WSB2: variants seen among roughly 807,000 people sequenced by gnomAD.
WSB2 encodes WD repeat and SOCS box containing 2, also known as WD repeat and SOCS box-containing protein 2.
Under a neutral mutation model 48.8 loss-of-function variants are expected in WSB2, and 12 were observed. The ratio of observed to expected loss-of-function variants is 0.25; its 90% CI spans 0.16 to 0.40. The LOEUF is 0.40. Ranked by LOEUF, WSB2 falls within the 10% of genes least tolerant of loss-of-function variation. The pLI, the probability that WSB2 is intolerant of heterozygous loss-of-function variation, is 1.00. For missense variants in WSB2, 317 were observed against 506.2 expected, an observed-to-expected ratio of 0.63 and a Z score of 3.59; for synonymous variants, 191 against 203.1, an observed-to-expected ratio of 0.94 and a Z score of 0.51.
At chr12:118,034,510 G>A in intron 8 of WSB2, 152 bp from the exon 9 acceptor site, 3 of 972,924 alleles carry the variant, frequency 3.1e-6, no homozygotes, top group Non-Finnish European at 4.4e-6. Flanking sequence ...GTAAAATTGT[G>A]GTGCTGAATA....
At chr12:118,044,786 T>TTAA (rs2137780600) in intron 2 of WSB2, among the ~76,000 whole-genome samples, 1 of 152,284 alleles carries the variant, frequency 6.6e-6, no homozygotes, top group Admixed American at 6.5e-5. Flanking sequence ...TGAAGCTTAC[T>TTAA]GTTTGCGGTA....
chr12:118,053,704 G>A (rs2031898073), intron 1 of WSB2, among the ~76,000 whole-genome samples: 2 of 152,140 alleles, frequency 1.3e-5, no homozygotes, highest in Admixed American at 6.6e-5. Flanking sequence ...AAGCTTATAA[G>A]TTAAAGGCCT....
Position 118,043,319 on chromosome 12 carries a change from C to T in WSB2, c.241G>A (p.Gly81Ser), listed in dbSNP as rs2031679788. 1 of 1,604,780 alleles carries T rather than the reference C, an allele frequency of 6.2e-7. No homozygotes were observed. The highest frequency in any genetic ancestry group is 8.5e-7 in the Non-Finnish European group (1 of 1,175,386). The change falls in exon 3 of 9, where the codon GGC becomes AGC. Residue 81 changes from glycine to serine, a missense_variant. This residue lies in a region of WSB2 where 128 missense variants were observed against 156.7 expected (regional missense o/e 0.82). Coordinates refer to ENST00000315436, the MANE Select transcript of WSB2 (RefSeq NM_018639.5). ...TCCAGCGTCTTCTCTTTTGGGCTGC[C>T]CCGCCCTTTCGTCTCATTTTTGCTA... ...RSSKNETKGR[G>S]SPKEKTLDCG...
At chr12:118,053,600 GA>G (rs5801265) in intron 1 of WSB2, among the ~76,000 whole-genome samples, 14,026 of 152,166 alleles carry the variant, frequency 0.092, 1,144 homozygotes, top group East Asian at 0.41. Flanking sequence ...ACCATCTTGT[GA>G]AAGAGTAGGC....
At chr12:118,042,036 G>A (rs886929183) in intron 4 of WSB2, among the ~76,000 whole-genome samples, 3 of 152,130 alleles carry the variant, frequency 2.0e-5, no homozygotes, top group Non-Finnish European at 2.9e-5. Context: ...GATTACAGGC[G>A]TGAGCCACTG....
Position 118,034,112 on chromosome 12 carries a change from C to A in WSB2, c.*84G>T. 17 of 1,547,272 alleles carry A rather than the reference C, an allele frequency of 1.1e-5. No homozygotes were observed. The highest frequency in any genetic ancestry group is 1.4e-5 in the Non-Finnish European group (16 of 1,126,560). On this transcript the variant is annotated 3_prime_UTR_variant, in exon 9 of 9. Transcript: ENST00000315436. The stretch of plus-strand genomic sequence containing the variant: ...AAAGAAATGCTATTTCAATGCAAGA[C>A]CAGATGTTTGGCCCATTATTCCAGC...
intron 2 of WSB2, among the ~76,000 whole-genome samples, chr12:118,047,770 C>T (rs1412004647): frequency 6.6e-6 from 1 of 151,974 alleles, no homozygotes. Context: ...AAAATAGTAG[C>T]GAAACATGGG....
chr12:118,061,342 C>G (rs142026288), upstream of WSB2: 7,598 of 250,468 alleles, frequency 0.03, 718 homozygotes, highest in African/African-American at 0.22. Flanking sequence ...AGGGGTTGCT[C>G]AGGGGAAACG....
At chr12:118,047,600 G>A (rs748966165) in intron 2 of WSB2, among the ~76,000 whole-genome samples, 2 of 152,108 alleles carry the variant, frequency 1.3e-5, no homozygotes, top group South Asian at 2.1e-4. Flanking sequence ...TGGCGGCTAC[G>A]CCTTTAGGAA....
chr12:118,042,742 A>G, intron 4 of WSB2, 99 bp downstream of exon 4: 1 of 1,526,474 alleles, frequency 6.6e-7, no homozygotes, highest in South Asian at 1.3e-5. Context: ...AGAAAAAAAC[A>G]TCAAGAAACA....
At chr12:118,040,725 A>G (rs1355263486) in intron 4 of WSB2, among the ~76,000 whole-genome samples, 3 of 151,260 alleles carry the variant, frequency 2.0e-5, no homozygotes, top group Non-Finnish European at 4.4e-5. Context: ...AGACTGTGGG[A>G]TTACAGGTTC....
chr12:118,053,629 T>G (rs1488824412), intron 1 of WSB2, among the ~76,000 whole-genome samples: 1 of 152,206 alleles, frequency 6.6e-6, no homozygotes, highest in Non-Finnish European at 1.5e-5. Context: ...TGGAGCTTCT[T>G]CATTGACTGA....
At chr12:118,034,587 C>CTCTCTCTCTCTCTCTCTCTCTT in intron 8 of WSB2, 1 of 554,750 alleles carries the variant, frequency 1.8e-6, no homozygotes, top group Non-Finnish European at 3.1e-6. Context: ...CTCTCTGTCT[C>CTCTCTCTCTCTCTCTCTCTCTT]TCTCTCGGCA....
At position 118,052,439 on chromosome 12, in the gene WSB2, G is replaced by A. The variant is rs1210289241; in HGVS notation, c.53C>T (p.Pro18Leu). ...GCTGGACTTCCAATCAAACTGGTGG[G>A]GGCGCCCGGGCTTGAGTTCGGCCAG... is the stretch of plus-strand genomic sequence containing the variant. ...LLLAELKPGR[P>L]HQFDWKSSCE... Residue 18 changes from proline to leucine, a missense_variant, in exon 2 of 9, where the codon CCC (proline) becomes CTC (leucine). Physicochemically the swap from Pro to Leu is moderately conservative, Grantham distance 98 (BLOSUM62 -3). Around this residue, in one of 2 missense-constraint regions of WSB2, gnomAD observed 128 missense variants for 156.7 expected, o/e 0.82. Coordinates refer to ENST00000315436, the MANE Select transcript of WSB2 (RefSeq NM_018639.5). 3 of 1,614,080 alleles carry A rather than the reference G, an allele frequency of 1.9e-6. No individual in the cohort carries two copies. The highest frequency in any genetic ancestry group is 1.1e-5 in the South Asian group (1 of 91,062).
intron 4 of WSB2, among the ~76,000 whole-genome samples, chr12:118,039,827 T>C (rs578244190): frequency 6.6e-6 from 1 of 151,984 alleles, no homozygotes; most frequent in Admixed American, 6.6e-5. Flanking sequence ...CACTGCAACC[T>C]CTGCCTCCTG....
chr12:118,040,320 A>G (rs1313726940), intron 4 of WSB2, among the ~76,000 whole-genome samples: 2 of 152,040 alleles, frequency 1.3e-5, no homozygotes, highest in African/African-American at 4.8e-5. Context: ...AAAAGCTCTC[A>G]TAATTGGCCT....
chr12:118,051,013 C>CT (rs2031842042), intron 2 of WSB2, among the ~76,000 whole-genome samples: 1 of 151,654 alleles, frequency 6.6e-6, no homozygotes, highest in Admixed American at 6.6e-5. Context: ...GATCATGCCA[C>CT]TGTACTCCAG....
At chr12:118,057,664 C>T (rs991901114) in intron 1 of WSB2, among the ~76,000 whole-genome samples, 2 of 152,094 alleles carry the variant, frequency 1.3e-5, no homozygotes, top group African/African-American at 4.8e-5. Flanking sequence ...ATGGCTCAGT[C>T]AAGCTCATTA....
intron 4 of WSB2, chr12:118,042,447 G>A: frequency 5.4e-6 from 1 of 186,066 alleles, no homozygotes. Context: ...GTGCCGATGA[G>A]AAAACCTGTT....
Sources: gnomAD v4.1 joint callset for allele counts (sites outside exome capture counted in the v4.1 genomes callset) on GRCh38, gnomAD v4.1.1 for gene constraint, gnomAD v4.1.1 regional missense constraint, MANE v1.5 for transcripts, NCBI Gene and HGNC (gene_info 2026-07-23, HGNC 2026-07-21) for gene names.